Variants in MICU1 observed in about 807,000 individuals in gnomAD.
The protein encoded by MICU1 is mitochondrial calcium uptake 1, also known as calcium uptake protein 1, mitochondrial.
In MICU1, 45 loss-of-function variants were observed where a neutral mutation model predicts 56.8. That is an observed-to-expected ratio of 0.79 (90% CI 0.62 to 1.02). The LOEUF is 1.02. Among genes scored for constraint, MICU1 ranks in the 50% least tolerant of loss-of-function variants. The pLI is 0.00. For missense variants in MICU1, 504 were observed against 587.1 expected (o/e 0.86, Z 1.46); for synonymous variants, 186 against 195.1 (o/e 0.95, Z 0.39).
chr10:72,513,959 C>T (rs892795461), intron 5 of MICU1, among the ~76,000 whole-genome samples: 4 of 152,056 alleles, frequency 2.6e-5, no homozygotes, highest in Non-Finnish European at 5.9e-5. Flanking sequence ...CAGTAAAATG[C>T]ATATAACAAA....
intron 1 of MICU1, among the ~76,000 whole-genome samples, chr10:72,621,514 A>T (rs549632415): frequency 1.3e-4 from 20 of 152,090 alleles, no homozygotes; most frequent in Non-Finnish European, 1.6e-4. Flanking sequence ...ATAATAATAA[A>T]AAAATAAAGT....
intron 10 of MICU1, among the ~76,000 whole-genome samples, chr10:72,407,006 T>C (rs191879957): frequency 6.6e-5 from 10 of 152,318 alleles, no homozygotes; most frequent in East Asian, 1.9e-4. Context: ...CTCAAAAACA[T>C]TGAGTGAAAC....
intron 1 of MICU1, among the ~76,000 whole-genome samples, chr10:72,587,371 G>A (rs1841090829): frequency 6.6e-6 from 1 of 150,544 alleles, no homozygotes; most frequent in South Asian, 2.1e-4. Context: ...GGAGGCTAAG[G>A]TGAGAGGATT....
At chr10:72,544,095 G>A (rs1389024788) in intron 4 of MICU1, among the ~76,000 whole-genome samples, 2 of 147,582 alleles carry the variant, frequency 1.4e-5, no homozygotes, top group Non-Finnish European at 3.0e-5. Flanking sequence ...GTATGGAAAA[G>A]CACTGTGAAA....
chr10:72,479,374 T>C (rs1866220271), intron 6 of MICU1, among the ~76,000 whole-genome samples: 1 of 152,210 alleles, frequency 6.6e-6, no homozygotes, highest in Non-Finnish European at 1.5e-5. Context: ...ACAGTGGTTA[T>C]GTCAGTCTCT....
chr10:72,456,986 T>TG (rs1865491013), intron 8 of MICU1, among the ~76,000 whole-genome samples: 8 of 146,154 alleles, frequency 5.5e-5, no homozygotes, highest in African/African-American at 1.8e-4. Context: ...TGTGTGTGTG[T>TG]TTTGTTTGTT....
At chr10:72,592,819 G>A (rs1589373838) in intron 1 of MICU1, among the ~76,000 whole-genome samples, 1 of 120,734 alleles carries the variant, frequency 8.3e-6, no homozygotes, top group East Asian at 2.4e-4. Context: ...TTTCACTCTT[G>A]TTGCCCAGGC....
chr10:72,498,228 G>A lies in MICU1; in HGVS notation c.652+9927C>T, dbSNP rs368652780. On this transcript the variant is annotated intron_variant, in intron 6 of 11. Coordinates refer to ENST00000361114, the MANE Select transcript of MICU1 (RefSeq NM_001195518.2). ...TTCTAGAAGGCAGAAAATTTAGCCT[G>A]TTTTGAAGTTTTACTTTTCCTGCTC... is the stretch of plus-strand genomic sequence containing the variant. Among the ~76,000 whole-genome samples the A allele has an allele frequency of 5.9e-5, 9 of 152,312 alleles. No individual in the cohort carries two copies. The East Asian group carries it at 1.5e-3, about 26-fold the overall frequency.
At chr10:72,585,557 T>C (rs1293531679) in intron 1 of MICU1, among the ~76,000 whole-genome samples, 2 of 151,298 alleles carry the variant, frequency 1.3e-5, no homozygotes, top group Non-Finnish European at 2.9e-5. Flanking sequence ...TAGCCAGGCA[T>C]GGTGGCGTGT....
At chr10:72,411,507 T>A (rs1863814066) in intron 9 of MICU1, among the ~76,000 whole-genome samples, 1 of 151,922 alleles carries the variant, frequency 6.6e-6, no homozygotes, top group African/African-American at 2.4e-5. Context: ...TTTTGTATTT[T>A]TTTTTAGTAG....
At chr10:72,538,870 A>C (rs1839700396) in intron 4 of MICU1, among the ~76,000 whole-genome samples, 1 of 152,100 alleles carries the variant, frequency 6.6e-6, no homozygotes, top group African/African-American at 2.4e-5. Context: ...TTCACCAGTA[A>C]GGACACAAAC....
intron 10 of MICU1, among the ~76,000 whole-genome samples, chr10:72,400,889 A>G (rs1041750810): frequency 1.4e-4 from 21 of 152,110 alleles, no homozygotes; most frequent in African/African-American, 4.6e-4. Context: ...ACACACACAC[A>G]CACACACACA....
chr10:72,547,387 C>A (rs1335732323), intron 4 of MICU1, among the ~76,000 whole-genome samples: 2 of 151,900 alleles, frequency 1.3e-5, no homozygotes, highest in Admixed American at 1.3e-4. Flanking sequence ...GTTTTATATA[C>A]CTTTCATTTC....
At chr10:72,600,696 C>A (rs1266093942) in intron 1 of MICU1, among the ~76,000 whole-genome samples, 2 of 151,008 alleles carry the variant, frequency 1.3e-5, no homozygotes, top group Admixed American at 1.3e-4. Context: ...GTTTTGCTGT[C>A]ACACCTTAAA....
intron 1 of MICU1, among the ~76,000 whole-genome samples, chr10:72,617,958 G>A (rs879038545): frequency 2.0e-5 from 3 of 152,176 alleles, no homozygotes; most frequent in African/African-American, 7.2e-5. Context: ...TTGAGGTCAG[G>A]AGTTAGAGAC....
At chr10:72,380,962 A>G (rs894264101) in intron 10 of MICU1, among the ~76,000 whole-genome samples, 1 of 152,188 alleles carries the variant, frequency 6.6e-6, no homozygotes, top group African/African-American at 2.4e-5. Context: ...ACTACCCCCT[A>G]CAGTGGAAGA....
At chr10:72,579,397 C>T (rs1010497771) in intron 1 of MICU1, among the ~76,000 whole-genome samples, 1 of 152,084 alleles carries the variant, frequency 6.6e-6, no homozygotes, top group African/African-American at 2.4e-5. Context: ...TTAAAGAGCA[C>T]TAATCTCCTT....
intron 1 of MICU1, among the ~76,000 whole-genome samples, chr10:72,589,054 G>A (rs139539265): frequency 0.022 from 3,278 of 152,140 alleles, 115 homozygotes; most frequent in African/African-American, 0.075. Context: ...TTGGGAGGCC[G>A]AGGTGGGTGG....
intron 5 of MICU1, chr10:72,524,774 A>G: frequency 8.1e-7 from 1 of 1,227,180 alleles, no homozygotes; most frequent in Non-Finnish European, 1.0e-6. Context: ...AAAAGAAAAA[A>G]CATTGACATT....
Sources: gnomAD v4.1 joint callset for allele counts (sites outside exome capture counted in the v4.1 genomes callset) on GRCh38, gnomAD v4.1.1 for gene constraint, MANE v1.5 for transcripts, NCBI Gene and HGNC (gene_info 2026-07-23, HGNC 2026-07-21) for gene names.